The following NAALADL2 variants were observed in gnomAD, a reference collection of about 807,000 sequenced individuals.
NAALADL2 encodes the protein N-acetylated alpha-linked acidic dipeptidase like 2.
Under a neutral mutation model 87.2 loss-of-function variants are expected in NAALADL2, and 76 were observed. The ratio of observed to expected loss-of-function variants is 0.87; its 90% CI spans 0.72 to 1.05. The LOEUF (loss-of-function observed/expected upper bound fraction) is 1.05, where lower values mean the gene tolerates loss of function less well. Ranked by LOEUF, NAALADL2 falls within the 50% of genes least tolerant of loss-of-function variation. NAALADL2 has a pLI of 0.00. For synonymous variants in NAALADL2, 354 were observed against 331.0 expected (o/e 1.07, Z -0.75); for missense variants, 1,089 against 945.8 (o/e 1.15, Z -1.99).
At chr3:174,939,554 G>A (rs1178679567) in intron 1 of NAALADL2, among the ~76,000 whole-genome samples, 1 of 151,880 alleles carries the variant, frequency 6.6e-6, no homozygotes, top group East Asian at 1.9e-4. Context: ...AAATGTCATT[G>A]GTAGTTTGAT....
chr3:175,091,461 G>A (rs915179771), intron 1 of NAALADL2, among the ~76,000 whole-genome samples: 1 of 151,996 alleles, frequency 6.6e-6, no homozygotes, highest in Non-Finnish European at 1.5e-5. Flanking sequence ...ACGTTTTAAA[G>A]CTAATCTGCT....
chr3:174,707,237 C>T (rs1370789603), intron 2 of NAALADL2, among the ~76,000 whole-genome samples: 3 of 151,264 alleles, frequency 2.0e-5, no homozygotes, highest in Non-Finnish European at 2.9e-5. Flanking sequence ...GACAGTGTGG[C>T]GATTCCTCGG....
chr3:174,983,963 A>C (rs9848263), intron 1 of NAALADL2, among the ~76,000 whole-genome samples: 13,326 of 152,190 alleles, frequency 0.088, 1,329 homozygotes, highest in African/African-American at 0.24. Context: ...CACATCACAC[A>C]GTCTCAATAG....
intron 5 of NAALADL2, among the ~76,000 whole-genome samples, chr3:175,357,833 G>T (rs1764563923): frequency 1.3e-5 from 2 of 152,108 alleles, no homozygotes; most frequent in Non-Finnish European, 2.9e-5. Context: ...GAATGGATTA[G>T]AATAAAGGGA....
chr3:174,784,905 C>A (rs1236573859), intron 3 of NAALADL2, among the ~76,000 whole-genome samples: 1 of 152,136 alleles, frequency 6.6e-6, no homozygotes, highest in Non-Finnish European at 1.5e-5. Flanking sequence ...TGGAATATTT[C>A]ATTTAATATT....
At chr3:174,631,336 G>A (rs1722092248) in intron 2 of NAALADL2, among the ~76,000 whole-genome samples, 1 of 152,170 alleles carries the variant, frequency 6.6e-6, no homozygotes, top group Non-Finnish European at 1.5e-5. Context: ...GAAGAAAACA[G>A]TGAGTAGGAA....
intron 5 of NAALADL2, among the ~76,000 whole-genome samples, chr3:175,378,777 C>T (rs1239677189): frequency 2.0e-5 from 3 of 152,178 alleles, no homozygotes; most frequent in Non-Finnish European, 4.4e-5. Context: ...ATGTTACTGT[C>T]TGAAAACAAT....
At chr3:175,289,462 A>T (rs1755385085) in intron 4 of NAALADL2, among the ~76,000 whole-genome samples, 1 of 152,116 alleles carries the variant, frequency 6.6e-6, no homozygotes, top group Non-Finnish European at 1.5e-5. Flanking sequence ...CTGAAATAAT[A>T]TTATATTCAA....
intron 13 of NAALADL2, among the ~76,000 whole-genome samples, chr3:175,769,216 A>C (rs540632646): frequency 6.6e-6 from 1 of 152,358 alleles, no homozygotes; most frequent in Admixed American, 6.5e-5. Flanking sequence ...CCATAGGCAG[A>C]ACTGTACCAG....
intron 11 of NAALADL2, among the ~76,000 whole-genome samples, chr3:175,655,115 T>C (rs10470504): frequency 0.21 from 31,569 of 152,028 alleles, 6,536 homozygotes; most frequent in African/African-American, 0.54. Context: ...TTTAATAATG[T>C]GTCTTTGCAT....
intron 11 of NAALADL2, among the ~76,000 whole-genome samples, chr3:175,716,433 G>C (rs961241325): frequency 3.3e-5 from 5 of 151,260 alleles, no homozygotes; most frequent in Non-Finnish European, 5.9e-5. Flanking sequence ...TGCTCTAAGA[G>C]ATAAAAATGT....
At chr3:175,370,477 A>G (rs973359189) in intron 5 of NAALADL2, among the ~76,000 whole-genome samples, 2 of 151,154 alleles carry the variant, frequency 1.3e-5, no homozygotes, top group Non-Finnish European at 2.9e-5. Flanking sequence ...AATGACTAGA[A>G]TTTAGAGTTA....
chr3:175,338,660 C>CACACAA (rs1762276790), intron 5 of NAALADL2, among the ~76,000 whole-genome samples: 2 of 102,150 alleles, frequency 2.0e-5, no homozygotes, highest in Non-Finnish European at 3.9e-5. Context: ...CACACACACA[C>CACACAA]ACAAACAAAC....
intron 10 of NAALADL2, 47 bp from the exon 11 acceptor site, chr3:175,627,244 C>T: frequency 7.0e-7 from 1 of 1,438,484 alleles, no homozygotes; most frequent in Non-Finnish European, 9.5e-7. Flanking sequence ...ACTTGAAAAA[C>T]AAAATCGATA....
At chr3:175,404,406 C>T (rs2149069590) in intron 5 of NAALADL2, among the ~76,000 whole-genome samples, 1 of 152,170 alleles carries the variant, frequency 6.6e-6, no homozygotes, top group Non-Finnish European at 1.5e-5. Context: ...ATAACTGTTA[C>T]CCATCTGTAT....
intron 2 of NAALADL2, among the ~76,000 whole-genome samples, chr3:175,191,944 C>CAA (rs968312895): frequency 1.3e-5 from 2 of 152,096 alleles, no homozygotes; most frequent in Non-Finnish European, 2.9e-5. Flanking sequence ...AATCAGTGAT[C>CAA]TCCCAAATAA....
At chr3:174,898,701 G>C (rs182958997) in intron 1 of NAALADL2, among the ~76,000 whole-genome samples, 1 of 152,004 alleles carries the variant, frequency 6.6e-6, no homozygotes, top group African/African-American at 2.4e-5. Context: ...AAAAAAGACA[G>C]TCACTAAAGT....
chr3:175,353,672 G>C lies in NAALADL2; in HGVS notation c.1090+29347G>C, dbSNP rs530374909. ...AAAGAAAATGTAGGATTTGTTGATA[G>C]GCAAGCTAGCTTGAAAGGAAAAGAT... On this transcript the variant is annotated intron_variant, in intron 5 of 13. Coordinates refer to ENST00000454872, the MANE Select transcript of NAALADL2 (RefSeq NM_207015.3). Among the ~76,000 whole-genome samples, 4 of 152,254 alleles carry C rather than the reference G, an allele frequency of 2.6e-5. No individual in the cohort carries two copies. The South Asian group carries it at 8.3e-4, about 32-fold the overall frequency.
At chr3:174,891,087 A>G (rs1730816405) in intron 1 of NAALADL2, among the ~76,000 whole-genome samples, 1 of 152,164 alleles carries the variant, frequency 6.6e-6, no homozygotes, top group Non-Finnish European at 1.5e-5. Flanking sequence ...TATACTCTTA[A>G]CCAGGAATGC....
Sources: allele counts gnomAD v4.1 joint callset (sites outside exome capture counted in the v4.1 genomes callset), GRCh38; gene constraint gnomAD v4.1.1; transcripts MANE v1.5; gene names NCBI Gene and HGNC (gene_info 2026-07-23, HGNC 2026-07-21).